EPHA6: variants seen among roughly 807,000 people sequenced by gnomAD.
The protein encoded by EPHA6 is ephrin type-A receptor 6.
EPHA6 carries 50 observed loss-of-function variants against 112.0 expected under a neutral mutation model. The observed-to-expected ratio is 0.45, with a 90% CI of 0.36 to 0.56. EPHA6 has a LOEUF of 0.56. Among genes scored for constraint, EPHA6 ranks in the 20% least tolerant of loss-of-function variants. The pLI is 0.00. For synonymous variants in EPHA6, 529 were observed against 490.7 expected (o/e 1.08, Z -1.03); for missense variants, 1,280 against 1,417.4 (o/e 0.90, Z 1.56).
At chr3:96,819,450 T>A (rs2033075816) in intron 1 of EPHA6, among the ~76,000 whole-genome samples, 1 of 152,074 alleles carries the variant, frequency 6.6e-6, no homozygotes. Context: ...TCTTTCTCTC[T>A]CCCACCTCAC....
intron 13 of EPHA6, among the ~76,000 whole-genome samples, chr3:97,614,501 ATTTTTTTTTT>A (rs35126699): frequency 2.0e-5 from 2 of 98,266 alleles, no homozygotes; most frequent in African/African-American, 5.1e-5. Flanking sequence ...CACCCAGCTA[ATTTTTTTTTT>A]TTTTTTTTTT....
intron 5 of EPHA6, among the ~76,000 whole-genome samples, chr3:97,249,648 A>G (rs1033073202): frequency 2.0e-5 from 3 of 152,120 alleles, no homozygotes; most frequent in African/African-American, 7.2e-5. Context: ...CTGGACAATA[A>G]TCATATTTTT....
chr3:97,539,063 C>CTTT (rs1262585212), intron 11 of EPHA6, among the ~76,000 whole-genome samples: 13 of 127,568 alleles, frequency 1.0e-4, no homozygotes, highest in African/African-American at 3.0e-4. Context: ...TTTTCTCTTT[C>CTTT]TTCCCTTCCT....
intron 9 of EPHA6, among the ~76,000 whole-genome samples, chr3:97,480,611 G>A (rs894333139): frequency 7.9e-5 from 12 of 152,302 alleles, no homozygotes; most frequent in Middle Eastern, 3.4e-3. Context: ...GAACAAAATG[G>A]AGTCTCCTAT....
chr3:97,291,916 C>G (rs184947025), intron 5 of EPHA6, among the ~76,000 whole-genome samples: 10 of 152,322 alleles, frequency 6.6e-5, no homozygotes, highest in African/African-American at 2.4e-4. Context: ...TGGACTTGTG[C>G]CTGGCAGGTT....
intron 1 of EPHA6, among the ~76,000 whole-genome samples, chr3:96,850,579 T>G (rs2035323179): frequency 6.6e-6 from 1 of 152,136 alleles, no homozygotes; most frequent in Non-Finnish European, 1.5e-5. Flanking sequence ...GCTTTGACCA[T>G]CTTCCAGTTC....
intron 5 of EPHA6, among the ~76,000 whole-genome samples, chr3:97,377,559 G>A (rs934827912): frequency 3.3e-5 from 5 of 152,090 alleles, no homozygotes; most frequent in Non-Finnish European, 7.4e-5. Context: ...GGACAAGGAA[G>A]ACATAAAAAT....
chr3:97,572,235 C>G (rs1361990177), intron 11 of EPHA6, among the ~76,000 whole-genome samples: 4 of 148,498 alleles, frequency 2.7e-5, no homozygotes, highest in African/African-American at 9.9e-5. Context: ...ACTGCAAGCT[C>G]TGCCTCCCAG....
intron 10 of EPHA6, among the ~76,000 whole-genome samples, chr3:97,502,626 A>C (rs925213848): frequency 3.3e-5 from 5 of 151,502 alleles, no homozygotes; most frequent in Admixed American, 2.6e-4. Flanking sequence ...CGAGGTCAGG[A>C]GATCGAGACC....
At chr3:96,976,799 A>T (rs2042543329) in intron 2 of EPHA6, among the ~76,000 whole-genome samples, 1 of 152,152 alleles carries the variant, frequency 6.6e-6, no homozygotes, top group Non-Finnish European at 1.5e-5. Context: ...TAGCACAGGT[A>T]TTCAAGACCC....
At chr3:97,123,064 A>G (rs1204963127) in intron 3 of EPHA6, among the ~76,000 whole-genome samples, 1 of 152,066 alleles carries the variant, frequency 6.6e-6, no homozygotes, top group East Asian at 1.9e-4. Context: ...TAGGTTTATC[A>G]AAGAGAATAC....
chr3:97,621,374 C>T (rs1404670284), intron 13 of EPHA6, among the ~76,000 whole-genome samples: 1 of 151,832 alleles, frequency 6.6e-6, no homozygotes, highest in South Asian at 2.1e-4. Context: ...ATGACACAAC[C>T]ATTTAAGAAA....
At chr3:97,580,820 T>A (rs1015122553) in intron 11 of EPHA6, among the ~76,000 whole-genome samples, 1 of 152,220 alleles carries the variant, frequency 6.6e-6, no homozygotes. Context: ...AGGAATAGCC[T>A]CACTAAAAGT....
chr3:97,436,594 G>C (rs2089850061), intron 6 of EPHA6, among the ~76,000 whole-genome samples: 1 of 152,098 alleles, frequency 6.6e-6, no homozygotes, highest in African/African-American at 2.4e-5. Flanking sequence ...TGGCCGATTT[G>C]GACAAATGTG....
intron 1 of EPHA6, among the ~76,000 whole-genome samples, chr3:96,834,114 A>G (rs985779407): frequency 1.3e-5 from 2 of 152,038 alleles, no homozygotes; most frequent in African/African-American, 4.8e-5. Context: ...GAGGAAGACT[A>G]AAAGAAAACC....
intron 6 of EPHA6, among the ~76,000 whole-genome samples, chr3:97,421,177 T>C (rs761943420): frequency 6.6e-6 from 1 of 152,076 alleles, no homozygotes; most frequent in Non-Finnish European, 1.5e-5. Flanking sequence ...TTAGAGGATC[T>C]CGCCATTCCA....
chr3:97,333,637 T>C (rs2082914620), intron 5 of EPHA6, among the ~76,000 whole-genome samples: 1 of 151,796 alleles, frequency 6.6e-6, no homozygotes, highest in Non-Finnish European at 1.5e-5. Context: ...CACACACAGC[T>C]GAATATTTTT....
intron 3 of EPHA6, among the ~76,000 whole-genome samples, chr3:97,199,172 A>C (rs2077516433): frequency 6.6e-6 from 1 of 152,248 alleles, no homozygotes; most frequent in South Asian, 2.1e-4. Flanking sequence ...GAAAATAATA[A>C]CAACATGCAT....
At chr3:97,673,418 C>T (rs1355817117) in intron 14 of EPHA6, among the ~76,000 whole-genome samples, 1 of 152,106 alleles carries the variant, frequency 6.6e-6, no homozygotes, top group Non-Finnish European at 1.5e-5. Context: ...GTGGATATAT[C>T]CCCATTCACT....
Sources: allele counts gnomAD v4.1 joint callset (sites outside exome capture counted in the v4.1 genomes callset), GRCh38; gene constraint gnomAD v4.1.1; transcripts MANE v1.5; gene names NCBI Gene and HGNC (gene_info 2026-07-23, HGNC 2026-07-21).